The following ABR variants were observed in gnomAD, a reference collection of about 807,000 sequenced individuals.
The protein encoded by ABR is ABR activator of RhoGEF and GTPase, also known as active breakpoint cluster region-related protein.
In ABR, 35 loss-of-function variants were observed where a neutral mutation model predicts 107.2. That is an observed-to-expected ratio of 0.33 (90% confidence interval 0.25 to 0.43). ABR has a LOEUF of 0.43. ABR is among the 20% of genes least tolerant of loss of function. The probability of loss-of-function intolerance (pLI) is 1.00; values close to 1 mark genes in which losing one functional copy is unlikely to be tolerated. For synonymous variants in ABR, 498 were observed against 462.0 expected (o/e 1.08, Z -1.00); for missense variants, 815 against 1,115.2 (o/e 0.73, Z 3.83).
At chr17:1,089,092 T>C (rs1202751958) in intron 4 of ABR, among the ~76,000 whole-genome samples, 1 of 151,880 alleles carries the variant, frequency 6.6e-6, no homozygotes, top group Non-Finnish European at 1.5e-5. Flanking sequence ...GAGATGGGGT[T>C]CCACCATGTA....
upstream of ABR, among the ~76,000 whole-genome samples, chr17:1,184,345 C>T (rs1426701403): frequency 2.0e-5 from 3 of 152,048 alleles, no homozygotes; most frequent in Admixed American, 6.6e-5. Flanking sequence ...GTCCCAGCTA[C>T]TCGGGAGGCT....
chr17:1,147,364 G>GTTT (rs553493542), intron 1 of ABR, among the ~76,000 whole-genome samples: 4 of 141,688 alleles, frequency 2.8e-5, no homozygotes, highest in African/African-American at 5.2e-5. Flanking sequence ...GGTTTTGGTT[G>GTTT]TTTTTTTTTT....
intron 9 of ABR, 109 bp downstream of exon 9, chr17:1,069,860 C>T (rs1395518612): frequency 3.9e-6 from 1 of 255,922 alleles, no homozygotes; most frequent in Non-Finnish European, 6.2e-6. Flanking sequence ...GACTCGCACA[C>T]TCACCCCGCA....
chr17:1,126,741 G>A (rs1374937406), intron 1 of ABR, among the ~76,000 whole-genome samples: 1 of 152,176 alleles, frequency 6.6e-6, no homozygotes, highest in Non-Finnish European at 1.5e-5. Context: ...ATGGCACCTG[G>A]CCCCCTGGCA....
chr17:1,069,501 T>C (rs1821993766), intron 9 of ABR, among the ~76,000 whole-genome samples: 2 of 152,038 alleles, frequency 1.3e-5, no homozygotes, highest in South Asian at 4.2e-4. Context: ...CCGTCTCTAC[T>C]AAAAATACAA....
chr17:1,049,445 C>T (rs910795586), intron 16 of ABR, among the ~76,000 whole-genome samples: 4 of 152,132 alleles, frequency 2.6e-5, no homozygotes, highest in Admixed American at 6.5e-5. Context: ...GGATTACAGG[C>T]GTGAGCCACC....
intron 1 of ABR, among the ~76,000 whole-genome samples, chr17:1,215,780 G>T (rs2042990552): frequency 6.6e-6 from 1 of 152,164 alleles, no homozygotes; most frequent in African/African-American, 2.4e-5. Context: ...TTGTTGCTGT[G>T]TCTGTGTAGA....
chr17:1,100,498 G>A, intron 3 of ABR, 139 bp downstream of exon 3: 1 of 766,492 alleles, frequency 1.3e-6, no homozygotes, highest in African/African-American at 1.7e-5. Flanking sequence ...GCCAGAAGCA[G>A]ACCAGCTGCA....
chr17:1,087,466 G>A (rs914347929), intron 4 of ABR, among the ~76,000 whole-genome samples: 16 of 152,216 alleles, frequency 1.1e-4, no homozygotes, highest in East Asian at 9.7e-4. Context: ...CCGGCGTGAC[G>A]CCAAGGCCAG....
intron 16 of ABR, chr17:1,031,687 G>C (rs2150915855): frequency 8.0e-7 from 1 of 1,256,300 alleles, no homozygotes; most frequent in Non-Finnish European, 1.0e-6. Flanking sequence ...TCCAGCGCCA[G>C]GGGTTCGCGC....
chr17:1,094,377 T>TC (rs1189214866), intron 3 of ABR, among the ~76,000 whole-genome samples: 15 of 151,798 alleles, frequency 9.9e-5, no homozygotes. Context: ...GCAATTTTTT[T>TC]TTTTTTTTTT....
upstream of ABR, among the ~76,000 whole-genome samples, chr17:1,188,858 G>A (rs74964815): frequency 3.9e-5 from 6 of 152,294 alleles, no homozygotes; most frequent in African/African-American, 1.2e-4. Context: ...AAGGGAAGCC[G>A]GTGCCTCTGG....
chr17:1,216,655 G>A (rs1193202419), intron 1 of ABR, among the ~76,000 whole-genome samples: 1 of 152,184 alleles, frequency 6.6e-6, no homozygotes, highest in Non-Finnish European at 1.5e-5. Context: ...CACATCAGCA[G>A]ACTGCACTTA....
chr17:1,028,554 C>T (rs2072432925), intron 16 of ABR, among the ~76,000 whole-genome samples: 1 of 152,224 alleles, frequency 6.6e-6, no homozygotes, highest in Admixed American at 6.5e-5. Flanking sequence ...TCCACCCCGC[C>T]CTTCCTCAGG....
intron 1 of ABR, among the ~76,000 whole-genome samples, chr17:1,147,509 C>T (rs571180246): frequency 3.2e-4 from 48 of 152,000 alleles, no homozygotes; most frequent in Non-Finnish European, 4.9e-4. Context: ...TACAGTCACC[C>T]ACTACCACAC....
Position 1,050,775 on chromosome 17 carries a change from A to T in ABR, c.1562-141T>A. 1.4e-6 allele frequency: 1 copy of T among 698,436 alleles called. No individual in the cohort carries two copies. The highest frequency in any genetic ancestry group is 2.5e-6 in the Non-Finnish European group (1 of 393,842). 43.3% of individuals were successfully genotyped at this position (698,436 alleles called of 1,614,324 possible). ...TGGCATCTTGGCTCTCTCCTCCCTG[A>T]AGCCCGGGACCATCTGGCTTCTCCC... On this transcript the variant is annotated intron_variant, in intron 14 of 22. Coordinates refer to ENST00000302538, the MANE Select transcript of ABR (RefSeq NM_021962.5). This position sits in a 1 kb window ranked among gnomAD's most constrained non-coding sequence, Gnocchi z 4.6.
chr17:1,214,167 G>C (rs2042955853), intron 1 of ABR, among the ~76,000 whole-genome samples: 1 of 152,130 alleles, frequency 6.6e-6, no homozygotes, highest in African/African-American at 2.4e-5. Context: ...TTACAGGCAT[G>C]AGCCACCGCT....
upstream of ABR, among the ~76,000 whole-genome samples, chr17:1,191,724 G>A (rs1212245659): frequency 6.6e-6 from 1 of 152,174 alleles, no homozygotes; most frequent in African/African-American, 2.4e-5. Flanking sequence ...CAGTAGGGGT[G>A]TGGAAGAAGA....
In ABR at chr17:1,150,262, C is replaced by A. The variant is rs996928771; in HGVS notation, c.62-24895G>T. ...CTTCATCTTGCTAAAGATAACAGAG[C>A]ACTTGGCCAAGCCAGCGCGATGTCT... On this transcript the variant is annotated intron_variant, in intron 1 of 22. Coordinates refer to ENST00000302538, the MANE Select transcript of ABR (RefSeq NM_021962.5). The surrounding 1 kb of genome is among the most constrained non-coding windows in gnomAD (Gnocchi z 4.8). 6.6e-6 allele frequency among the ~76,000 whole-genome samples: 1 copy of A among 152,206 alleles called. No homozygotes were observed. Among genetic ancestry groups the A allele is most frequent in the Admixed American group, 6.5e-5 (1 of 15,284 alleles).
Sources: allele counts gnomAD v4.1 joint callset (sites outside exome capture counted in the v4.1 genomes callset), GRCh38; gene constraint gnomAD v4.1.1; non-coding constraint Gnocchi (gnomAD v3.1); transcripts MANE v1.5; gene names NCBI Gene and HGNC (gene_info 2026-07-23, HGNC 2026-07-21).